Variants in MFAP3L observed in about 807,000 individuals in gnomAD.
The protein encoded by MFAP3L is microfibril associated protein 3 like.
In MFAP3L, 5 loss-of-function variants were observed where a neutral mutation model predicts 20.0. That is an observed-to-expected ratio of 0.25 (90% CI 0.13 to 0.53). The LOEUF is 0.53. Among genes scored for constraint, MFAP3L ranks in the 20% least tolerant of loss-of-function variants. MFAP3L has a pLI of 0.96. For missense variants in MFAP3L, 409 were observed against 527.5 expected (o/e 0.78, Z 2.20); for synonymous variants, 219 against 213.0 (o/e 1.03, Z -0.25).
chr4:170,009,181 G>A (rs1739223699), intron 1 of MFAP3L, among the ~76,000 whole-genome samples: 1 of 151,906 alleles, frequency 6.6e-6, no homozygotes, highest in South Asian at 2.1e-4. Context: ...TCAGGAGTTC[G>A]AGACCAGCCT....
chr4:170,010,815 GT>G (rs61259588), intron 1 of MFAP3L, among the ~76,000 whole-genome samples: 13 of 151,382 alleles, frequency 8.6e-5, no homozygotes, highest in African/African-American at 2.9e-4. Context: ...TTGCGGGGGG[GT>G]GGGTGCCCCT....
Position 169,991,783 on chromosome 4 carries a change from T to C in MFAP3L, c.825A>G (p.Pro275=). 1 of 1,614,200 alleles carries C rather than the reference T, an allele frequency of 6.2e-7. No homozygotes were observed. Among genetic ancestry groups the C allele is most frequent in the South Asian group, 1.1e-5 (1 of 91,082 alleles). The part of the protein sequence containing the change: ...EQGQNFVRHT[P]EGQEAADRDE... ...CCCTGTCTGCGGCCTCCTGGCCCTCTGGAGTATGCCTCACAAAATTCTGCC... is the reference window on the plus strand; with the variant it reads ...CCCTGTCTGCGGCCTCCTGGCCCTCCGGAGTATGCCTCACAAAATTCTGCC... Residue 275 remains proline, a synonymous_variant, in exon 3 of 3, where the codon CCA becomes CCG. Transcript: ENST00000361618. This position sits in a 1 kb window ranked among gnomAD's most constrained non-coding sequence, Gnocchi z 4.9.
At chr4:169,996,284 C>T (rs1160361340) in intron 2 of MFAP3L, among the ~76,000 whole-genome samples, 3 of 138,442 alleles carry the variant, frequency 2.2e-5, no homozygotes, top group African/African-American at 1.1e-4. Context: ...CACAACAAAG[C>T]TGACATTTGT....
At chr4:170,013,776 T>C (rs1739530305) in intron 1 of MFAP3L, among the ~76,000 whole-genome samples, 1 of 152,220 alleles carries the variant, frequency 6.6e-6, no homozygotes, top group Non-Finnish European at 1.5e-5. Context: ...TAATGTCAAA[T>C]TCTTATTCTT....
chr4:170,009,418 A>G (rs1311291444), intron 1 of MFAP3L, among the ~76,000 whole-genome samples: 2 of 151,972 alleles, frequency 1.3e-5, no homozygotes, highest in East Asian at 1.9e-4. Flanking sequence ...GTTGATAACA[A>G]TCTAACATTG....
At chr4:170,003,754 G>C (rs961383287) in intron 2 of MFAP3L, 4 of 985,294 alleles carry the variant, frequency 4.1e-6, no homozygotes, top group Admixed American at 1.2e-4. Context: ...GTTCCCTAGC[G>C]ATAGCTCAGC....
chr4:169,996,012 C>T (rs1324427966), intron 2 of MFAP3L, among the ~76,000 whole-genome samples: 1 of 133,192 alleles, frequency 7.5e-6, no homozygotes, highest in African/African-American at 2.7e-5. Flanking sequence ...CCCGCCACCC[C>T]CCACCCCCCA....
At chr4:170,008,442 A>G (rs1212692587) in intron 1 of MFAP3L, among the ~76,000 whole-genome samples, 1 of 152,208 alleles carries the variant, frequency 6.6e-6, no homozygotes. Context: ...TTCAAAAGGT[A>G]TTTATTATGT....
chr4:170,003,828 C>T, intron 2 of MFAP3L: 2 of 985,496 alleles, frequency 2.0e-6, no homozygotes, highest in Non-Finnish European at 2.4e-6. Flanking sequence ...CTATTGCCCT[C>T]CATTCACAAG....
chr4:169,994,122 T>C lies in MFAP3L; in HGVS notation c.299-1813A>G, dbSNP rs1328428324. 8 of 957,550 alleles carry C rather than the reference T, an allele frequency of 8.4e-6. No individual in the cohort carries two copies. The African/African-American group carries it at 1.1e-4, about 13-fold the overall frequency. 59.3% of individuals were successfully genotyped at this position (957,550 alleles called of 1,614,324 possible). A position where few individuals can be genotyped will look rare whatever the true frequency, so the allele number is the denominator to read the frequency against. On this transcript the variant is annotated intron_variant, in intron 2 of 2. Coordinates refer to ENST00000361618, the MANE Select transcript of MFAP3L (RefSeq NM_021647.8). The stretch of plus-strand genomic sequence containing the variant: ...AAAAACAGAACAAAAGTCTAACTGA[T>C]TGAAAGCTTATTCCATAGAGAAGAC...
At chr4:170,005,469 CAAGAT>C (rs1438937871) in intron 2 of MFAP3L, 106 bp downstream of exon 2, 21 of 1,218,540 alleles carry the variant, frequency 1.7e-5, no homozygotes, top group East Asian at 7.0e-5. Context: ...AAAAACAAGA[CAAGAT>C]GAGATCTTTA....
At chr4:170,015,715 G>A (rs567491873) in intron 1 of MFAP3L, among the ~76,000 whole-genome samples, 3 of 152,264 alleles carry the variant, frequency 2.0e-5, no homozygotes, top group African/African-American at 4.8e-5. Flanking sequence ...AAGACGGGCC[G>A]GTCCTCTTGG....
At chr4:169,997,799 A>ATTTTT (rs141898176) in intron 2 of MFAP3L, 2 of 890,716 alleles carry the variant, frequency 2.2e-6, no homozygotes, top group Non-Finnish European at 2.5e-6. Context: ...CCTTTCATTA[A>ATTTTT]TTCTTTTTTT....
At chr4:169,996,222 A>G (rs1738153041) in intron 2 of MFAP3L, among the ~76,000 whole-genome samples, 1 of 152,168 alleles carries the variant, frequency 6.6e-6, no homozygotes, top group Non-Finnish European at 1.5e-5. Flanking sequence ...TTAAATGTGA[A>G]AATCTCCCAG....
chr4:170,026,170 C>T, intron 1 of MFAP3L, 64 bp downstream of exon 1: 1 of 941,482 alleles, frequency 1.1e-6, no homozygotes, highest in Non-Finnish European at 1.3e-6. Context: ...CGGCCGCCGA[C>T]CCGGTGCGGG....
Position 170,005,690 on chromosome 4 carries a change from C to T in MFAP3L, c.188G>A (p.Ser63Asn). 6.2e-7 allele frequency: 1 copy of T among 1,614,234 alleles called. No homozygotes were observed. The highest frequency in any genetic ancestry group is 8.5e-7 in the Non-Finnish European group (1 of 1,180,042). ...TDHIIVKEGNSALINCSVYGI... is the reference protein window; with the variant it reads ...TDHIIVKEGNNALINCSVYGI... The stretch of plus-strand genomic sequence containing the variant: ...ATAAACACTACAGTTAATCAAGGCA[C>T]TGTTCCCTTCCTTGACTATGATATG... The change falls in exon 2 of 3, where the codon AGT (serine) becomes AAT (asparagine). Residue 63 changes from serine to asparagine, a missense_variant. Around this residue, in one of 3 missense-constraint regions of MFAP3L, gnomAD observed 113 missense variants for 131.1 expected, o/e 0.86. Coordinates refer to ENST00000361618, the MANE Select transcript of MFAP3L (RefSeq NM_021647.8).
In MFAP3L at chr4:169,991,214, A is replaced by G. The variant is rs1737637037; in HGVS notation, c.*164T>C. 4.3e-6 allele frequency: 3 copies of G among 698,780 alleles called. No homozygotes were observed. The Admixed American group carries it at 8.8e-5, about 21-fold the overall frequency. 43.3% of individuals were successfully genotyped at this position (698,780 alleles called of 1,614,324 possible). A position where few individuals can be genotyped will look rare whatever the true frequency, so the allele number is the denominator to read the frequency against. ...CACCCTTCTCTACTGGGGAAATTCC[A>G]GTCCCATTCACTGCAGGCAGGTGTT... On this transcript the variant is annotated 3_prime_UTR_variant, in exon 3 of 3. Transcript: ENST00000361618. This position sits in a 1 kb window ranked among gnomAD's most constrained non-coding sequence, Gnocchi z 4.9.
intron 2 of MFAP3L, chr4:169,994,573 A>C (rs1213285717): frequency 6.2e-6 from 6 of 965,118 alleles, no homozygotes; most frequent in Non-Finnish European, 7.4e-6. Flanking sequence ...TTCAGATATG[A>C]TTTTAATTGT....
At chr4:170,003,109 C>T (rs1032091986) in intron 2 of MFAP3L, among the ~76,000 whole-genome samples, 1 of 152,162 alleles carries the variant, frequency 6.6e-6, no homozygotes, top group African/African-American at 2.4e-5. Context: ...TCCCATGTTG[C>T]TTATGCTCTG....
Sources: allele counts gnomAD v4.1 joint callset (sites outside exome capture counted in the v4.1 genomes callset), GRCh38; gene constraint gnomAD v4.1.1; regional missense constraint gnomAD v4.1.1; non-coding constraint Gnocchi (gnomAD v3.1); transcripts MANE v1.5; gene names NCBI Gene and HGNC (gene_info 2026-07-23, HGNC 2026-07-21).